Variants in NSUN6 observed in about 807,000 individuals in gnomAD.
NSUN6 encodes the protein tRNA (cytosine(72)-C(5))-methyltransferase NSUN6.
NSUN6 carries 64 observed loss-of-function variants against 58.0 expected under a neutral mutation model. The ratio of observed to expected loss-of-function variants is 1.10; its 90% CI spans 0.90 to 1.36. The LOEUF (loss-of-function observed/expected upper bound fraction) is 1.36. Among genes scored for constraint, NSUN6 ranks in the 40% most tolerant of loss-of-function variants. The pLI, the probability that NSUN6 is intolerant of heterozygous loss-of-function variation, is 0.00. For missense variants in NSUN6, 701 were observed against 550.1 expected, an observed-to-expected ratio of 1.27 and a Z score of -2.74; for synonymous variants, 231 against 193.9, an observed-to-expected ratio of 1.19 and a Z score of -1.59.
intron 3 of NSUN6, among the ~76,000 whole-genome samples, chr10:18,619,264 G>C (rs77395321): frequency 1.6e-3 from 237 of 152,292 alleles, no homozygotes; most frequent in African/African-American, 5.3e-3. Flanking sequence ...CCAGTTTGCA[G>C]GTTCCAATTT....
chr10:18,644,533 T>G (rs1040045778), intron 2 of NSUN6, among the ~76,000 whole-genome samples: 1 of 150,822 alleles, frequency 6.6e-6, no homozygotes, highest in African/African-American at 2.4e-5. Context: ...TGCTTACATA[T>G]GAGTAAGTAC....
In NSUN6 at chr10:18,564,243, T is replaced by G. The variant is rs1414275066; in HGVS notation, c.923-12272A>C. On this transcript the variant is annotated intron_variant, in intron 8 of 10. Transcript: ENST00000377304. ...CCATCCACTCTCTATTACATTCCAT[T>G]CTCCATTCCATTCCCATACATTCTC... is the stretch of plus-strand genomic sequence containing the variant. Among the ~76,000 whole-genome samples the G allele has an allele frequency of 2.6e-5, 4 of 150,978 alleles. No homozygotes were observed. In the Admixed American group the frequency reaches 2.7e-4, roughly 10 times the overall value.
chr10:18,584,515 A>G (rs1383114484), intron 8 of NSUN6, among the ~76,000 whole-genome samples: 1 of 152,168 alleles, frequency 6.6e-6, no homozygotes, highest in Non-Finnish European at 1.5e-5. Flanking sequence ...AAGACAAATG[A>G]CCACAAACTT....
In NSUN6 at chr10:18,651,251, G is replaced by GT. The variant is rs775113537; in HGVS notation, c.-49dup. 41 of 1,474,460 alleles carry GT rather than the reference G, an allele frequency of 2.8e-5. No individual in the cohort carries two copies. The highest frequency in any genetic ancestry group is 8.0e-5 in the East Asian group (3 of 37,272). 91.3% of individuals were successfully genotyped at this position (1,474,460 alleles called of 1,614,324 possible). The stretch of plus-strand genomic sequence containing the variant: ...ACCAAGAGAAATGCTGGAAAACGGT[G>GT]TTTTGTTTTTTTTTTTCTTTCCGAA... On this transcript the variant is annotated 5_prime_UTR_variant, in exon 1 of 11. Transcript: ENST00000377304.
Position 18,651,123 on chromosome 10 carries a change from A to T in NSUN6, c.75+6T>A, listed in dbSNP as rs182176944. ...AAATATCAACTAACATCTTTACTTG[A>T]CCTACCTCCTTATTCATAAAGCCTT... On this transcript the variant is annotated splice_donor_region_variant and intron_variant, in intron 1 of 10. Coordinates refer to ENST00000377304, the MANE Select transcript of NSUN6 (RefSeq NM_182543.5). The T allele has an allele frequency of 2.5e-6, 4 of 1,572,850 alleles. No individual in the cohort carries two copies. In the African/African-American group the frequency reaches 4.2e-5, roughly 16 times the overall value.
intron 7 of NSUN6, among the ~76,000 whole-genome samples, chr10:18,593,293 G>A (rs1474268474): frequency 1.3e-5 from 2 of 152,232 alleles, no homozygotes; most frequent in Non-Finnish European, 1.5e-5. Context: ...GTGGAAGACA[G>A]TGTGGCGATT....
chr10:18,573,604 T>C (rs2056502503), intron 8 of NSUN6, among the ~76,000 whole-genome samples: 1 of 152,106 alleles, frequency 6.6e-6, no homozygotes, highest in South Asian at 2.1e-4. Flanking sequence ...CCAGAACAAA[T>C]ATGCCTTCTC....
At chr10:18,630,067 G>T (rs1445484708) in intron 3 of NSUN6, among the ~76,000 whole-genome samples, 1 of 145,218 alleles carries the variant, frequency 6.9e-6, no homozygotes, top group East Asian at 2.0e-4. Flanking sequence ...TCAGACCACA[G>T]TGCAATCAAA....
intron 2 of NSUN6, among the ~76,000 whole-genome samples, chr10:18,646,188 C>G (rs1260485612): frequency 1.3e-5 from 2 of 152,012 alleles, no homozygotes; most frequent in African/African-American, 4.8e-5. Context: ...GAGCGAGACT[C>G]CATCTAAAAA....
At chr10:18,602,888 T>C (rs550966383) in intron 6 of NSUN6, among the ~76,000 whole-genome samples, 2 of 152,280 alleles carry the variant, frequency 1.3e-5, no homozygotes, top group African/African-American at 2.4e-5. Flanking sequence ...TAGCTACAAG[T>C]GGTAAGTCAA....
At chr10:18,570,828 C>A (rs1333274604) in intron 8 of NSUN6, among the ~76,000 whole-genome samples, 2 of 149,962 alleles carry the variant, frequency 1.3e-5, no homozygotes, top group African/African-American at 4.9e-5. Flanking sequence ...TTCACCACTG[C>A]ATTCCATCCC....
chr10:18,548,118 C>A lies in NSUN6; in HGVS notation c.1191G>T (p.Gln397His), dbSNP rs374495590. 3.9e-5 allele frequency: 63 copies of A among 1,613,680 alleles called. No homozygotes were observed. In the African/African-American group the frequency reaches 7.3e-4, roughly 19 times the overall value. The change falls in exon 10 of 11, where the codon CAG becomes CAT. Residue 397 changes from glutamine to histidine, a missense_variant. Transcript: ENST00000377304. ...ALTKFPCLQL[Q>H]PQEPQIGGEG... The stretch of plus-strand genomic sequence containing the variant: ...AAAATGAAATTACTCCTACCTGGGG[C>A]TGAAGCTGAAGGCAAGGAAATTTTG...
intron 3 of NSUN6, among the ~76,000 whole-genome samples, chr10:18,628,088 T>TCCCTGAC (rs2058889248): frequency 6.6e-6 from 1 of 152,086 alleles, no homozygotes; most frequent in African/African-American, 2.4e-5. Context: ...CTCAAGTGGG[T>TCCCTGAC]CCCTGACCCC....
At chr10:18,600,163 CA>C (rs1194773651) in intron 6 of NSUN6, among the ~76,000 whole-genome samples, 1 of 152,018 alleles carries the variant, frequency 6.6e-6, no homozygotes, top group Admixed American at 6.6e-5. Flanking sequence ...TTGGAAGCCA[CA>C]GGGGGTATTG....
chr10:18,636,368 A>AT (rs1412658248), intron 3 of NSUN6, among the ~76,000 whole-genome samples: 1 of 151,940 alleles, frequency 6.6e-6, no homozygotes, highest in East Asian at 1.9e-4. Flanking sequence ...TAAAAAAAAA[A>AT]AAAAAAAACT....
Position 18,565,470 on chromosome 10 carries a change from T to G in NSUN6, c.923-13499A>C, listed in dbSNP as rs190636631. ...CATTCCACTCTCCATTCCAGTTCAGTCTCCATTCTATTCCATTCCATTCTC... is the reference window on the plus strand; with the variant it reads ...CATTCCACTCTCCATTCCAGTTCAGGCTCCATTCTATTCCATTCCATTCTC... On this transcript the variant is annotated intron_variant, in intron 8 of 10. Coordinates refer to ENST00000377304, the MANE Select transcript of NSUN6 (RefSeq NM_182543.5). Among the ~76,000 whole-genome samples, 948 of 150,778 alleles carry G rather than the reference T, an allele frequency of 6.3e-3. 6 individuals carry two copies. Among genetic ancestry groups the G allele is most frequent in the Non-Finnish European group, 8.8e-3 (594 of 67,336 alleles).
intron 8 of NSUN6, among the ~76,000 whole-genome samples, chr10:18,559,782 G>C (rs1393065764): frequency 2.7e-5 from 4 of 145,510 alleles, no homozygotes; most frequent in African/African-American, 7.5e-5. Context: ...ATGCAGAATG[G>C]AATGGAAGCG....
At chr10:18,574,242 ACCTTTGG>A (rs1456703450) in intron 8 of NSUN6, among the ~76,000 whole-genome samples, 1 of 152,096 alleles carries the variant, frequency 6.6e-6, no homozygotes, top group African/African-American at 2.4e-5. Flanking sequence ...CAGAAAGTTA[ACCTTTGG>A]AGGAAAACTG....
intron 8 of NSUN6, among the ~76,000 whole-genome samples, chr10:18,573,990 A>C (rs971588086): frequency 2.0e-5 from 3 of 152,078 alleles, no homozygotes; most frequent in African/African-American, 4.8e-5. Flanking sequence ...GAAGTTAATC[A>C]AGTCGAGGAG....
Sources: gnomAD v4.1 joint callset for allele counts (sites outside exome capture counted in the v4.1 genomes callset) on GRCh38, gnomAD v4.1.1 for gene constraint, MANE v1.5 for transcripts, NCBI Gene and HGNC (gene_info 2026-07-23, HGNC 2026-07-21) for gene names.